The following TTBK2 variants were observed in gnomAD, a reference collection of about 807,000 sequenced individuals.
TTBK2 encodes the protein tau tubulin kinase 2.
In TTBK2, 28 loss-of-function variants were observed where a neutral mutation model predicts 110.8. The observed-to-expected ratio is 0.25, with a 90% CI of 0.19 to 0.35. The LOEUF is 0.35. Among genes scored for constraint, TTBK2 ranks in the 10% least tolerant of loss-of-function variants. The probability of loss-of-function intolerance (pLI) is 1.00; values close to 1 mark genes in which losing one functional copy is unlikely to be tolerated. For synonymous variants in TTBK2, 532 were observed against 527.3 expected (o/e 1.01, Z -0.12); for missense variants, 1,369 against 1,500.3 (o/e 0.91, Z 1.45).
chr15:42,793,935 G>C (rs1189848281), intron 10 of TTBK2, among the ~76,000 whole-genome samples: 1 of 151,752 alleles, frequency 6.6e-6, no homozygotes, highest in African/African-American at 2.4e-5. Flanking sequence ...CTTTTCCCCA[G>C]AGACGGGTCC....
At chr15:42,864,313 G>T (rs1006045322) in intron 3 of TTBK2, among the ~76,000 whole-genome samples, 7 of 152,160 alleles carry the variant, frequency 4.6e-5, no homozygotes, top group Non-Finnish European at 8.8e-5. Flanking sequence ...GGCCAGGCGT[G>T]GTGGCTAACG....
Position 42,742,185 on chromosome 15 carries a change from A to T in TTBK2, c.*3610T>A, listed in dbSNP as rs571056359. The T allele has an allele frequency of 6.6e-6, 1 of 152,316 alleles. No homozygotes were observed. Among genetic ancestry groups the T allele is most frequent in the Non-Finnish European group, 1.5e-5 (1 of 68,030 alleles). 9.4% of individuals were successfully genotyped at this position (152,316 alleles called of 1,614,324 possible). ...TGAAAGCAAATAATATAAAGCGAGTAATGTCTACAGTGGGTCTCAGTTACC... is the reference window on the plus strand; with the variant it reads ...TGAAAGCAAATAATATAAAGCGAGTTATGTCTACAGTGGGTCTCAGTTACC... On this transcript the variant is annotated 3_prime_UTR_variant, in exon 15 of 15. Coordinates refer to ENST00000267890, the MANE Select transcript of TTBK2 (RefSeq NM_173500.4).
intron 3 of TTBK2, among the ~76,000 whole-genome samples, chr15:42,843,044 A>G (rs1893295951): frequency 6.6e-6 from 1 of 152,216 alleles, no homozygotes; most frequent in Non-Finnish European, 1.5e-5. Context: ...TGTATTATCC[A>G]TCCCTTAAGA....
chr15:42,848,508 G>A (rs77733028), intron 3 of TTBK2, among the ~76,000 whole-genome samples: 1 of 123,526 alleles, frequency 8.1e-6, no homozygotes, highest in Non-Finnish European at 1.7e-5. Context: ...TTTTTTTTTT[G>A]AGACAGAGTT....
intron 11 of TTBK2, among the ~76,000 whole-genome samples, chr15:42,782,739 A>G (rs1421110781): frequency 6.6e-6 from 1 of 152,240 alleles, no homozygotes; most frequent in Non-Finnish European, 1.5e-5. Flanking sequence ...ACTATCTACC[A>G]TTCAAATTTC....
chr15:42,834,206 T>C (rs201148119), intron 4 of TTBK2, among the ~76,000 whole-genome samples: 1 of 107,336 alleles, frequency 9.3e-6, no homozygotes, highest in African/African-American at 4.3e-5. Flanking sequence ...AGGGGGGGGG[T>C]GTATAAAAGG....
chr15:42,745,561 G>A lies in TTBK2; in HGVS notation c.*234C>T, dbSNP rs1772000403. The A allele has an allele frequency of 1.8e-6, 1 of 569,316 alleles. No homozygotes were observed. The allele number at this position is 569,316 out of a possible 1,614,324, so 35.3% of individuals were successfully genotyped here. ...CATTTTAATGAGTTTCTCCCCCTTGGATTTTTGCTCTATTTTTCCTTCTTG... is the reference window on the plus strand; with the variant it reads ...CATTTTAATGAGTTTCTCCCCCTTGAATTTTTGCTCTATTTTTCCTTCTTG... On this transcript the variant is annotated 3_prime_UTR_variant, in exon 15 of 15. Transcript: ENST00000267890.
chr15:42,846,212 A>G (rs1287031815), intron 3 of TTBK2, among the ~76,000 whole-genome samples: 7 of 142,144 alleles, frequency 4.9e-5, no homozygotes, highest in Admixed American at 1.4e-4. Context: ...TTTTTTTTTG[A>G]GACAGTCTGC....
intron 1 of TTBK2, among the ~76,000 whole-genome samples, chr15:42,899,960 C>CAAAA (rs2029893137): frequency 6.6e-6 from 1 of 150,768 alleles, no homozygotes; most frequent in Non-Finnish European, 1.5e-5. Flanking sequence ...GACTCTGTCT[C>CAAAA]AAAAAATAAA....
chr15:42,873,814 T>C (rs973545230), intron 2 of TTBK2, among the ~76,000 whole-genome samples: 7 of 152,198 alleles, frequency 4.6e-5, no homozygotes, highest in South Asian at 2.1e-4. Context: ...AACTAGGTTG[T>C]CTCCTTATCA....
chr15:42,917,483 G>GT (rs2031144023), intron 1 of TTBK2, among the ~76,000 whole-genome samples: 1 of 152,044 alleles, frequency 6.6e-6, no homozygotes. Context: ...GCAGTTTTGA[G>GT]TAGTAATATG....
At chr15:42,796,285 T>C (rs888904746) in intron 9 of TTBK2, among the ~76,000 whole-genome samples, 1 of 152,084 alleles carries the variant, frequency 6.6e-6, no homozygotes, top group African/African-American at 2.4e-5. Context: ...GTGCCTGTAG[T>C]CCCGGCCACT....
At chr15:42,882,128 C>A (rs1895073812) in intron 1 of TTBK2, among the ~76,000 whole-genome samples, 1 of 150,332 alleles carries the variant, frequency 6.7e-6, no homozygotes, top group African/African-American at 2.4e-5. Context: ...CAGTTTAGGA[C>A]AGAAAAAAAT....
intron 3 of TTBK2, among the ~76,000 whole-genome samples, chr15:42,852,267 C>A (rs1007061370): frequency 3.3e-5 from 5 of 151,964 alleles, no homozygotes; most frequent in African/African-American, 1.2e-4. Flanking sequence ...CGGGGTTTTA[C>A]CATGTTGGCC....
At chr15:42,905,319 G>C (rs2030320975) in intron 1 of TTBK2, among the ~76,000 whole-genome samples, 2 of 152,192 alleles carry the variant, frequency 1.3e-5, no homozygotes, top group Non-Finnish European at 2.9e-5. Flanking sequence ...TGTCACCCAA[G>C]CTGGAATACT....
At position 42,738,751 on chromosome 15, in the gene TTBK2, T is replaced by G. The variant is rs1450345059; in HGVS notation, c.*7044A>C. 1 of 152,198 alleles carries G rather than the reference T, an allele frequency of 6.6e-6. No individual in the cohort carries two copies. Among genetic ancestry groups the G allele is most frequent in the Non-Finnish European group, 1.5e-5 (1 of 68,040 alleles). 9.4% of individuals were successfully genotyped at this position (152,198 alleles called of 1,614,324 possible). ...AAAGGAGCTTTTAATATTTTAATTT[T>G]ATTACAGGAAAACATCTCCTAACTG... On this transcript the variant is annotated 3_prime_UTR_variant, in exon 15 of 15. Coordinates refer to ENST00000267890, the MANE Select transcript of TTBK2 (RefSeq NM_173500.4).
At chr15:42,872,588 T>G in intron 3 of TTBK2, 23 bp downstream of exon 3, 2 of 1,612,272 alleles carry the variant, frequency 1.2e-6, no homozygotes, top group Non-Finnish European at 1.7e-6. Context: ...AATCATAAAT[T>G]GTATATTCTA....
At chr15:42,835,247 T>C (rs918316128) in intron 4 of TTBK2, among the ~76,000 whole-genome samples, 1 of 152,168 alleles carries the variant, frequency 6.6e-6, no homozygotes, top group African/African-American at 2.4e-5. Context: ...CTGACAATGC[T>C]GAACTCACTG....
intron 11 of TTBK2, among the ~76,000 whole-genome samples, chr15:42,780,240 C>T (rs565284300): frequency 3.4e-5 from 5 of 147,762 alleles, no homozygotes; most frequent in African/African-American, 1.2e-4. Flanking sequence ...GCCATGTTGC[C>T]CAGACTGGTC....
Sources: gnomAD v4.1 joint callset for allele counts (sites outside exome capture counted in the v4.1 genomes callset) on GRCh38, gnomAD v4.1.1 for gene constraint, MANE v1.5 for transcripts, NCBI Gene and HGNC (gene_info 2026-07-23, HGNC 2026-07-21) for gene names.